Variants in SGCD observed in about 807,000 individuals in gnomAD.
SGCD encodes the protein sarcoglycan delta.
A neutral mutation model predicts 36.6 loss-of-function variants in SGCD; 18 were observed. That is an observed-to-expected ratio of 0.49 (90% CI 0.34 to 0.73). The LOEUF (loss-of-function observed/expected upper bound fraction) is 0.73, where lower values mean the gene tolerates loss of function less well. SGCD is among the 30% of genes least tolerant of loss of function. The pLI, the probability that SGCD is intolerant of heterozygous loss-of-function variation, is 0.01. For missense variants in SGCD, 387 were observed against 346.7 expected, an observed-to-expected ratio of 1.12 and a Z score of -0.92; for synonymous variants, 133 against 130.6, an observed-to-expected ratio of 1.02 and a Z score of -0.12.
chr5:155,935,819 T>G (rs1304725606), intron 1 of SGCD, among the ~76,000 whole-genome samples: 3 of 152,174 alleles, frequency 2.0e-5, no homozygotes, highest in Non-Finnish European at 2.9e-5. Flanking sequence ...TGCACTTGGC[T>G]CACGCTACCA....
chr5:156,665,772 C>T (rs1764135390), intron 7 of SGCD, among the ~76,000 whole-genome samples: 1 of 147,438 alleles, frequency 6.8e-6, no homozygotes. Context: ...TAGTTTGCCC[C>T]ATTATCACCC....
At chr5:156,526,374 A>T (rs1214613653) in intron 4 of SGCD, among the ~76,000 whole-genome samples, 1 of 152,190 alleles carries the variant, frequency 6.6e-6, no homozygotes, top group African/African-American at 2.4e-5. Flanking sequence ...GTTTAGAAAC[A>T]AAATGAAGGC....
At chr5:155,779,975 T>C in the SGCD span, among the ~76,000 whole-genome samples, 1 of 152,328 alleles carries the variant, frequency 6.6e-6, no homozygotes, top group African/African-American at 2.4e-5. Flanking sequence ...ATATAAACTT[T>C]GGGGCAATTT....
chr5:156,097,641 T>C (rs1241042095), intron 1 of SGCD, among the ~76,000 whole-genome samples: 1 of 152,228 alleles, frequency 6.6e-6, no homozygotes, highest in Non-Finnish European at 1.5e-5. Flanking sequence ...GTGTAATTAG[T>C]TGTTGAGACA....
the SGCD span, among the ~76,000 whole-genome samples, chr5:155,729,295 T>G: frequency 6.6e-6 from 1 of 152,208 alleles, no homozygotes; most frequent in Non-Finnish European, 1.5e-5. Flanking sequence ...GCTCCCAGCA[T>G]AAGCGCTTAG....
intron 3 of SGCD, among the ~76,000 whole-genome samples, chr5:156,381,801 G>T (rs753058598): frequency 2.0e-5 from 3 of 152,062 alleles, no homozygotes; most frequent in Non-Finnish European, 4.4e-5. Flanking sequence ...GCTCAAAGCT[G>T]GGGTTCAGCT....
chr5:156,447,251 G>T (rs528893682), intron 3 of SGCD, among the ~76,000 whole-genome samples: 9 of 152,180 alleles, frequency 5.9e-5, no homozygotes, highest in Non-Finnish European at 1.0e-4. Flanking sequence ...CACCGTTTCT[G>T]TACAGATAGA....
At chr5:156,597,284 A>C (rs1760966495) in intron 6 of SGCD, among the ~76,000 whole-genome samples, 1 of 150,734 alleles carries the variant, frequency 6.6e-6, no homozygotes, top group African/African-American at 2.5e-5. Context: ...CGAGTATATT[A>C]GTCTGTTCTC....
At chr5:156,609,973 C>A (rs1447227904) in intron 6 of SGCD, among the ~76,000 whole-genome samples, 1 of 152,124 alleles carries the variant, frequency 6.6e-6, no homozygotes, top group African/African-American at 2.4e-5. Flanking sequence ...TTTTTAACTT[C>A]TTTGCCATGG....
intron 3 of SGCD, among the ~76,000 whole-genome samples, chr5:156,499,615 G>A (rs1019653472): frequency 6.6e-6 from 1 of 152,162 alleles, no homozygotes; most frequent in Non-Finnish European, 1.5e-5. Flanking sequence ...GCTGGCCAAG[G>A]GAAGGGCATA....
chr5:155,763,675 C>T, the SGCD span, among the ~76,000 whole-genome samples: 1 of 152,086 alleles, frequency 6.6e-6, no homozygotes, highest in South Asian at 2.1e-4. Flanking sequence ...ATTATTGAGC[C>T]ATTGATGTGA....
In SGCD at chr5:156,764,624, T is replaced by A. The variant is rs2113206954; in HGVS notation, c.*5234T>A. On this transcript the variant is annotated 3_prime_UTR_variant, in exon 9 of 9. Coordinates refer to ENST00000337851, the MANE Select transcript of SGCD (RefSeq NM_000337.6). Reference sequence around the variant, plus strand: ...AAAATAACCTTTTTGGGGCAACTCATGCTCACACATGCTGTTTTCTTTGGT... The same window carrying A: ...AAAATAACCTTTTTGGGGCAACTCAAGCTCACACATGCTGTTTTCTTTGGT... 1 of 152,604 alleles carries A rather than the reference T, an allele frequency of 6.6e-6. No individual in the cohort carries two copies. Among genetic ancestry groups the A allele is most frequent in the Non-Finnish European group, 1.5e-5 (1 of 68,036 alleles). The allele number at this position is 152,604 out of a possible 1,614,324, so 9.5% of individuals were successfully genotyped here. A position where few individuals can be genotyped will look rare whatever the true frequency, so the allele number is the denominator to read the frequency against.
At chr5:155,827,185 C>A in the SGCD span, among the ~76,000 whole-genome samples, 1 of 152,108 alleles carries the variant, frequency 6.6e-6, no homozygotes, top group African/African-American at 2.4e-5. Flanking sequence ...AAATACCTAA[C>A]GGATCAGTTA....
chr5:155,758,219 A>T, the SGCD span, among the ~76,000 whole-genome samples: 1 of 152,150 alleles, frequency 6.6e-6, no homozygotes, highest in Non-Finnish European at 1.5e-5. Context: ...ACAAACAAAC[A>T]AATACAAAAT....
chr5:156,087,485 A>C (rs776068312), intron 1 of SGCD, among the ~76,000 whole-genome samples: 55 of 151,896 alleles, frequency 3.6e-4, no homozygotes, highest in Non-Finnish European at 2.5e-4. Flanking sequence ...CTAAAAATAC[A>C]AAAAATTAGC....
In SGCD at chr5:156,239,314, C is replaced by T. The variant is rs772329094; in HGVS notation, c.-43-90220C>T. 4.7e-5 allele frequency among the ~76,000 whole-genome samples: 7 copies of T among 147,540 alleles called. 1 individual carries two copies. The highest frequency in any genetic ancestry group is 8.9e-5 in the Non-Finnish European group (6 of 67,264). On this transcript the variant is annotated intron_variant, in intron 3 of 9. Coordinates refer to the SGCD transcript ENST00000517913. ...ACTCAGCAGGCTGAGGCAGGAGAAT[C>T]GCTTGAACCCGGGAGGCGGAGGTTG...
At chr5:156,287,382 G>A (rs1561601705) in intron 3 of SGCD, among the ~76,000 whole-genome samples, 1 of 152,110 alleles carries the variant, frequency 6.6e-6, no homozygotes, top group African/African-American at 2.4e-5. Flanking sequence ...AGAAGGTTTA[G>A]AAATGTAGCT....
chr5:156,575,135 T>G (rs1004862730), intron 4 of SGCD, among the ~76,000 whole-genome samples: 6 of 152,204 alleles, frequency 3.9e-5, no homozygotes, highest in African/African-American at 1.4e-4. Flanking sequence ...TGGAACAGTC[T>G]TGTCTGTATT....
upstream of SGCD, chr5:155,870,312 A>G (rs1755606265): frequency 6.6e-6 from 1 of 152,220 alleles, no homozygotes; most frequent in African/African-American, 2.4e-5. Context: ...CATGCCTGGT[A>G]CATATTAAGT....
Sources: allele counts gnomAD v4.1 joint callset (sites outside exome capture counted in the v4.1 genomes callset), GRCh38; gene constraint gnomAD v4.1.1; transcripts MANE v1.5; gene names NCBI Gene and HGNC (gene_info 2026-07-23, HGNC 2026-07-21).